The following IL12RB2 variants were observed in gnomAD, a reference collection of about 807,000 sequenced individuals.
IL12RB2 encodes the protein interleukin 12 receptor subunit beta 2, also known as interleukin-12 receptor subunit beta-2.
In IL12RB2, 82 loss-of-function variants were observed where a neutral mutation model predicts 89.4. That is an observed-to-expected ratio of 0.92 (90% CI 0.77 to 1.10). IL12RB2 has a LOEUF of 1.10. IL12RB2 is among the 50% of genes least tolerant of loss of function. The pLI is 0.00. For missense variants in IL12RB2, 963 were observed against 1,031.9 expected (o/e 0.93, Z 0.92); for synonymous variants, 368 against 370.1 (o/e 0.99, Z 0.07).
intron 4 of IL12RB2, among the ~76,000 whole-genome samples, chr1:67,326,451 G>A (rs1039769779): frequency 5.3e-5 from 8 of 152,060 alleles, no homozygotes; most frequent in Admixed American, 5.2e-4. Context: ...TATAATAATA[G>A]TATCTACCTC....
Position 67,351,381 on chromosome 1 carries a change from T to C in IL12RB2, c.1258+292T>C, listed in dbSNP as rs1557435852. Among the ~76,000 whole-genome samples the C allele has an allele frequency of 2.0e-5, 3 of 152,232 alleles. 1 individual carries two copies. Among genetic ancestry groups the C allele is most frequent in the Non-Finnish European group, 4.4e-5 (3 of 68,048 alleles). The stretch of plus-strand genomic sequence containing the variant: ...TAATACATAGCAGGTATTTAATACA[T>C]TGTAGTTAAGGAAATACTAGTTACA... On this transcript the variant is annotated intron_variant, in intron 10 of 16. Transcript: ENST00000674203.
chr1:67,324,639 C>A (rs1657049627), intron 4 of IL12RB2, among the ~76,000 whole-genome samples: 1 of 152,028 alleles, frequency 6.6e-6, no homozygotes, highest in African/African-American at 2.4e-5. Context: ...GCATGAGCCA[C>A]TGTGCCTGGC....
At position 67,356,339 on chromosome 1, in the gene IL12RB2, G is replaced by C. The variant is rs542481327; in HGVS notation, c.1258+5250G>C. On this transcript the variant is annotated intron_variant, in intron 10 of 16. Coordinates refer to ENST00000674203, the MANE Select transcript of IL12RB2 (RefSeq NM_001374259.2). ...TTCCTCTTGTTATCCTGTTGTGATCGCTGCCCAGGAATCTCTATGATGGGG... is the reference window on the plus strand; with the variant it reads ...TTCCTCTTGTTATCCTGTTGTGATCCCTGCCCAGGAATCTCTATGATGGGG... Among the ~76,000 whole-genome samples the C allele has an allele frequency of 2.0e-5, 3 of 152,116 alleles. No homozygotes were observed. In the East Asian group the frequency reaches 5.8e-4, roughly 29 times the overall value.
At chr1:67,357,901 GT>G (rs1661575159) in intron 10 of IL12RB2, among the ~76,000 whole-genome samples, 1 of 152,078 alleles carries the variant, frequency 6.6e-6, no homozygotes, top group South Asian at 2.1e-4. Flanking sequence ...AGAAATAGAA[GT>G]TATATCAACC....
chr1:67,387,118 C>G (rs61603179), intron 15 of IL12RB2, among the ~76,000 whole-genome samples: 5,878 of 150,664 alleles, frequency 0.039, 419 homozygotes, highest in African/African-American at 0.14. Flanking sequence ...TTATTAGAGA[C>G]AGGGTTTCAT....
At chr1:67,326,027 G>A (rs1485524372) in intron 4 of IL12RB2, among the ~76,000 whole-genome samples, 4 of 152,116 alleles carry the variant, frequency 2.6e-5, no homozygotes, top group African/African-American at 9.7e-5. Context: ...CTTGGCTCGT[G>A]GGAGGTACTC....
At chr1:67,366,414 G>A (rs1662674037) in intron 10 of IL12RB2, among the ~76,000 whole-genome samples, 1 of 129,914 alleles carries the variant, frequency 7.7e-6, no homozygotes, top group Admixed American at 9.5e-5. Flanking sequence ...TGGTGCCACT[G>A]CACTCCAGCC....
intron 15 of IL12RB2, among the ~76,000 whole-genome samples, chr1:67,386,917 T>TATATATATATATA (rs1665253562): frequency 9.1e-5 from 9 of 98,582 alleles, no homozygotes; most frequent in African/African-American, 2.0e-4. Context: ...TATATATATA[T>TATATATATATATA]TCTTTTTTTC....
intron 16 of IL12RB2, among the ~76,000 whole-genome samples, chr1:67,391,356 A>AGTGTGTGTGT (rs148773328): frequency 1.8e-4 from 25 of 140,558 alleles, no homozygotes; most frequent in Non-Finnish European, 3.4e-4. Flanking sequence ...TAATAACAGC[A>AGTGTGTGTGT]GTGTGTGTGT....
chr1:67,381,907 AC>A (rs540406872), intron 14 of IL12RB2, among the ~76,000 whole-genome samples: 74 of 152,178 alleles, frequency 4.9e-4, no homozygotes, highest in African/African-American at 1.8e-3. Context: ...AATCACTTGA[AC>A]CCAGGAGGCA....
chr1:67,320,617 T>C (rs1252954766), intron 3 of IL12RB2, among the ~76,000 whole-genome samples, 173 bp downstream of exon 3: 1 of 152,238 alleles, frequency 6.6e-6, no homozygotes, highest in Non-Finnish European at 1.5e-5. Flanking sequence ...TTTTATTTAA[T>C]TTGCACTAAT....
chr1:67,357,312 A>G (rs543420289), intron 10 of IL12RB2, among the ~76,000 whole-genome samples: 1 of 152,186 alleles, frequency 6.6e-6, no homozygotes, highest in South Asian at 2.1e-4. Flanking sequence ...TGGGAAGTGG[A>G]GGTTGCAGTG....
At chr1:67,310,031 G>T (rs147729265) in intron 1 of IL12RB2, among the ~76,000 whole-genome samples, 295 of 151,756 alleles carry the variant, frequency 1.9e-3, no homozygotes, top group African/African-American at 6.2e-3. Context: ...AAAAATTAGC[G>T]GGGCATGGTG....
At chr1:67,372,583 G>T in intron 12 of IL12RB2, 42 bp from the exon 13 acceptor site, 5 of 1,610,742 alleles carry the variant, frequency 3.1e-6, no homozygotes, top group Non-Finnish European at 4.2e-6. Context: ...TAATGATTTG[G>T]ATTTGGAGGG....
rs1570261196 is a variant in IL12RB2 at position 67,398,374 on chromosome 1, T to G, written c.*2285T>G. ...TCCTTTTGATTATCTCTCATCCATCTCAGCCACTATTCTCCTCCCCTCCCT... is the reference window on the plus strand; with the variant it reads ...TCCTTTTGATTATCTCTCATCCATCGCAGCCACTATTCTCCTCCCCTCCCT... On this transcript the variant is annotated 3_prime_UTR_variant, in exon 17 of 17. Transcript: ENST00000674203. Among the ~76,000 whole-genome samples the G allele has an allele frequency of 6.6e-6, 1 of 152,166 alleles. No individual in the cohort carries two copies. The highest frequency in any genetic ancestry group is 2.1e-4 in the South Asian group (1 of 4,820).
At chr1:67,311,135 C>T (rs940066384) in intron 1 of IL12RB2, among the ~76,000 whole-genome samples, 2 of 152,172 alleles carry the variant, frequency 1.3e-5, no homozygotes, top group Non-Finnish European at 2.9e-5. Context: ...CTTAGGTGTC[C>T]TGGGCGGATC....
intron 1 of IL12RB2, among the ~76,000 whole-genome samples, chr1:67,308,316 C>T (rs1654551105): frequency 1.3e-5 from 2 of 151,814 alleles, no homozygotes; most frequent in African/African-American, 2.4e-5. Context: ...GAGGGGACGG[C>T]GACTGGAAAA....
Position 67,397,780 on chromosome 1 carries a change from C to A in IL12RB2, c.*1691C>A, listed in dbSNP as rs1342351483. Among the ~76,000 whole-genome samples, 1 of 152,232 alleles carries A rather than the reference C, an allele frequency of 6.6e-6. No individual in the cohort carries two copies. The highest frequency in any genetic ancestry group is 1.5e-5 in the Non-Finnish European group (1 of 68,040). On this transcript the variant is annotated 3_prime_UTR_variant, in exon 17 of 17. Coordinates refer to ENST00000674203, the MANE Select transcript of IL12RB2 (RefSeq NM_001374259.2). ...GCCTGGGGTCCACCCCGTACCCCTT[C>A]CCACATGAACGCTGGAACTGAGATG... is the stretch of plus-strand genomic sequence containing the variant.
At chr1:67,375,946 A>G (rs183871638) in intron 13 of IL12RB2, among the ~76,000 whole-genome samples, 97 of 148,634 alleles carry the variant, frequency 6.5e-4, no homozygotes, top group African/African-American at 2.4e-3. Flanking sequence ...TCCCGGGTTC[A>G]CGCCATTCTC....
Sources: gnomAD v4.1 joint callset for allele counts (sites outside exome capture counted in the v4.1 genomes callset) on GRCh38, gnomAD v4.1.1 for gene constraint, MANE v1.5 for transcripts, NCBI Gene and HGNC (gene_info 2026-07-23, HGNC 2026-07-21) for gene names.